KANK4: variants seen among roughly 807,000 people sequenced by gnomAD.
KANK4 encodes KN motif and ankyrin repeat domains 4.
A neutral mutation model predicts 80.8 loss-of-function variants in KANK4; 50 were observed. The observed-to-expected ratio is 0.62, with a 90% confidence interval of 0.49 to 0.78. The LOEUF is 0.78. KANK4 is among the 30% of genes least tolerant of loss of function. The probability of loss-of-function intolerance (pLI) is 0.00; values close to 1 mark genes in which losing one functional copy is unlikely to be tolerated. For synonymous variants in KANK4, 465 were observed against 506.9 expected (o/e 0.92, Z 1.11); for missense variants, 1,196 against 1,240.1 (o/e 0.96, Z 0.53).
chr1:62,243,671 G>A (rs375159274), intron 9 of KANK4, among the ~76,000 whole-genome samples: 43 of 152,272 alleles, frequency 2.8e-4, no homozygotes, highest in Middle Eastern at 3.4e-3. Flanking sequence ...GTTCCTGTGC[G>A]TTGTAGGATG....
chr1:62,279,204 A>T (rs1224014600), intron 2 of KANK4, among the ~76,000 whole-genome samples: 7 of 35,812 alleles, frequency 2.0e-4, no homozygotes, highest in Non-Finnish European at 3.6e-4. Flanking sequence ...GCGCGCACAC[A>T]CACACACACA....
At chr1:62,286,425 C>T (rs1360637879) in intron 1 of KANK4, among the ~76,000 whole-genome samples, 3 of 152,166 alleles carry the variant, frequency 2.0e-5, no homozygotes, top group South Asian at 4.1e-4. Flanking sequence ...GGGTCAGAAA[C>T]GAATTCACTG....
Position 62,256,472 on chromosome 1 carries a change from G to A in KANK4, c.2540-3263C>T, listed in dbSNP as rs941569797. ...GCTATCTCAGCTCACTGCGATCTCC[G>A]CCTCCCAGGTTTAAGCAATTTTCCT... On this transcript the variant is annotated intron_variant, in intron 7 of 9. Coordinates refer to ENST00000371153, the MANE Select transcript of KANK4 (RefSeq NM_181712.5). 2.0e-5 allele frequency among the ~76,000 whole-genome samples: 3 copies of A among 150,884 alleles called. No homozygotes were observed. In the East Asian group the frequency reaches 5.8e-4, roughly 29 times the overall value.
chr1:62,256,016 G>A (rs1028890041), intron 7 of KANK4, among the ~76,000 whole-genome samples: 2 of 152,218 alleles, frequency 1.3e-5, no homozygotes, highest in African/African-American at 4.8e-5. Flanking sequence ...TTATGGCCCA[G>A]GACAGCTTTG....
At chr1:62,263,490 T>C (rs1671943461) in intron 6 of KANK4, 179 bp from the exon 7 acceptor site, 1 of 615,116 alleles carries the variant, frequency 1.6e-6, no homozygotes, top group Non-Finnish European at 2.8e-6. Context: ...ACTTTGTACT[T>C]GTGCGATCAG....
At chr1:62,265,110 C>T (rs111945385) in intron 6 of KANK4, among the ~76,000 whole-genome samples, 8,354 of 152,154 alleles carry the variant, frequency 0.055, 323 homozygotes, top group African/African-American at 0.12. Context: ...GGATTACAGG[C>T]GTGAGCCACT....
chr1:62,318,517 A>G (rs2149178297), intron 1 of KANK4, among the ~76,000 whole-genome samples: 1 of 152,312 alleles, frequency 6.6e-6, no homozygotes, highest in East Asian at 1.9e-4. Flanking sequence ...GAGCTGCCCC[A>G]TTGCCTCCGC....
intron 1 of KANK4, among the ~76,000 whole-genome samples, chr1:62,301,895 C>T (rs1019947330): frequency 1.3e-5 from 2 of 151,758 alleles, no homozygotes; most frequent in African/African-American, 2.4e-5. Context: ...CATCCATTTC[C>T]GTGTGATCAC....
chr1:62,284,483 T>A (rs1672519451), intron 1 of KANK4, among the ~76,000 whole-genome samples: 1 of 152,164 alleles, frequency 6.6e-6, no homozygotes. Flanking sequence ...CATGCCCAGC[T>A]AATTTTTGTA....
At chr1:62,249,545 AT>A (rs35046139) in intron 8 of KANK4, among the ~76,000 whole-genome samples, 33 of 138,678 alleles carry the variant, frequency 2.4e-4, no homozygotes, top group Middle Eastern at 3.8e-3. Flanking sequence ...CATCTGGCCA[AT>A]TTTTTTTTTT....
chr1:62,276,538 G>A (rs2149146166), intron 2 of KANK4, among the ~76,000 whole-genome samples: 1 of 152,262 alleles, frequency 6.6e-6, no homozygotes, highest in East Asian at 1.9e-4. Context: ...CTCTTTGGGA[G>A]GCCGAGGCAG....
intron 1 of KANK4, among the ~76,000 whole-genome samples, chr1:62,304,364 T>A (rs1644434903): frequency 6.6e-6 from 1 of 151,944 alleles, no homozygotes; most frequent in Non-Finnish European, 1.5e-5. Context: ...CTCACTGGGA[T>A]ACCAGAAGCA....
At chr1:62,303,998 C>T (rs926137154) in intron 1 of KANK4, among the ~76,000 whole-genome samples, 7 of 151,916 alleles carry the variant, frequency 4.6e-5, no homozygotes, top group African/African-American at 1.7e-4. Flanking sequence ...CTCAGCCTCC[C>T]AAGTAGCTGG....
intron 8 of KANK4, among the ~76,000 whole-genome samples, chr1:62,249,419 C>T (rs1671556467): frequency 6.6e-6 from 1 of 151,048 alleles, no homozygotes; most frequent in Non-Finnish European, 1.5e-5. Flanking sequence ...CGCTCTATTA[C>T]CCAGGCTGGA....
rs1671244620 is a variant in KANK4, at chr1:62,237,990, T to G, written c.*287A>C. ...TTACAGAGGGTAGAGTCATGAGGAA[T>G]TCAAGGCTGAAGATGTTTTGGATGT... On this transcript the variant is annotated 3_prime_UTR_variant, in exon 10 of 10. Transcript: ENST00000371153. 1 of 334,466 alleles carries G rather than the reference T, an allele frequency of 3.0e-6. No homozygotes were observed. The highest frequency in any genetic ancestry group is 8.2e-5 in the South Asian group (1 of 12,174). The allele number at this position is 334,466 out of a possible 1,614,324, so 20.7% of individuals were successfully genotyped here.
intron 9 of KANK4, among the ~76,000 whole-genome samples, chr1:62,242,722 T>C (rs1671373970): frequency 6.6e-6 from 1 of 152,304 alleles, no homozygotes; most frequent in South Asian, 2.1e-4. Flanking sequence ...TTTCAGGACA[T>C]GAATTCTCTC....
chr1:62,318,054 G>A (rs1380544680), intron 1 of KANK4, among the ~76,000 whole-genome samples: 2 of 152,162 alleles, frequency 1.3e-5, no homozygotes, highest in African/African-American at 4.8e-5. Flanking sequence ...CACATTTTGA[G>A]AGGCTCTAAG....
At chr1:62,240,346 A>T (rs904659111) in intron 9 of KANK4, among the ~76,000 whole-genome samples, 6 of 152,214 alleles carry the variant, frequency 3.9e-5, no homozygotes, top group African/African-American at 1.2e-4. Context: ...TCCTTTGCCC[A>T]CTTTACAAGA....
In KANK4 at chr1:62,263,147, A is replaced by G. The variant is rs1240932479; in HGVS notation, c.2484T>C (p.Leu828=). 1 of 1,613,938 alleles carries G rather than the reference A, an allele frequency of 6.2e-7. No homozygotes were observed. Among genetic ancestry groups the G allele is most frequent in the East Asian group, 2.2e-5 (1 of 44,886 alleles). Residue 828 remains leucine (L), a synonymous_variant, in exon 7 of 10, where the codon CTT becomes CTC. Coordinates refer to ENST00000371153, the MANE Select transcript of KANK4 (RefSeq NM_181712.5). The stretch of plus-strand genomic sequence containing the variant: ...AGTTGGAGTGGGACACGCTGTAGTG[A>G]AGGGCCGTGTTCCCGTTGTGATCGG... The part of the protein sequence containing the change: ...NLADHNGNTA[L]HYSVSHSNFS...
Sources: allele counts gnomAD v4.1 joint callset (sites outside exome capture counted in the v4.1 genomes callset), GRCh38; gene constraint gnomAD v4.1.1; transcripts MANE v1.5; gene names NCBI Gene and HGNC (gene_info 2026-07-23, HGNC 2026-07-21).